DEXI: variants seen among roughly 807,000 people sequenced by gnomAD.
The protein encoded by DEXI is dexamethasone-induced protein.
In DEXI, 2 loss-of-function variants were observed where a neutral mutation model predicts 2.5. That is an observed-to-expected ratio of 0.81 (90% confidence interval 0.33 to 2.55). DEXI has a LOEUF of 2.55. Among genes scored for constraint, DEXI ranks in the 30% most tolerant of loss-of-function variants. The pLI is 0.11. For synonymous variants in DEXI, 71 were observed against 68.7 expected (o/e 1.03, Z -0.17); for missense variants, 108 against 130.3 (o/e 0.83, Z 0.83).
At position 10,938,085 on chromosome 16, in the gene DEXI, AAT is replaced by A. The variant is rs1193452389; in HGVS notation, c.*149+3482_*149+3483del. 7 of 152,242 alleles carry A rather than the reference AAT, an allele frequency of 4.6e-5. No individual in the cohort carries two copies. Among genetic ancestry groups the A allele is most frequent in the Non-Finnish European group, 1.0e-4 (7 of 68,048 alleles). 9.4% of individuals were successfully genotyped at this position (152,242 alleles called of 1,614,324 possible). A position where few individuals can be genotyped will look rare whatever the true frequency, so the allele number is the denominator to read the frequency against. ...ACGCTTTCCATTGTATCCGACTATGAATATGAGTGGTTAATATTAATACATCT... is the reference window on the plus strand; with the variant it reads ...ACGCTTTCCATTGTATCCGACTATGAATGAGTGGTTAATATTAATACATCT... On this transcript the variant is annotated intron_variant, in intron 1 of 1. Transcript: ENST00000331808. The surrounding 1 kb of genome is among the most constrained non-coding windows in gnomAD (Gnocchi z 4.9).
chr16:10,934,227 AC>A lies in DEXI; in HGVS notation c.*150-4669del, dbSNP rs543652541. The A allele has an allele frequency of 1.3e-4, 20 of 152,330 alleles. No homozygotes were observed. The highest frequency in any genetic ancestry group is 4.8e-4 in the African/African-American group (20 of 41,570). The allele number at this position is 152,330 out of a possible 1,614,324, so 9.4% of individuals were successfully genotyped here. ...CCTGCCACATCCAAGAACCACCTGG[AC>A]TATTATTTACTTAGTATTTTAAACC... On this transcript the variant is annotated intron_variant, in intron 1 of 1. Transcript: ENST00000331808. The surrounding 1 kb of genome is among the most constrained non-coding windows in gnomAD (Gnocchi z 4.2).
At position 10,941,461 on chromosome 16, in the gene DEXI, G is replaced by T. The variant is rs1210918064; in HGVS notation, c.*149+108C>A. ...GCATCCAGTTAGACCTGGAGGAGGT[G>T]AACGGAGGAGAAGCCTGAGGGAGGG... is the stretch of plus-strand genomic sequence containing the variant. On this transcript the variant is annotated intron_variant, in intron 1 of 1. Transcript: ENST00000331808. This position sits in a 1 kb window ranked among gnomAD's most constrained non-coding sequence, Gnocchi z 6.4. 2.6e-6 allele frequency: 3 copies of T among 1,144,044 alleles called. No homozygotes were observed. Among genetic ancestry groups the T allele is most frequent in the African/African-American group, 1.6e-5 (1 of 63,312 alleles). 70.9% of individuals were successfully genotyped at this position (1,144,044 alleles called of 1,614,324 possible).
rs145819243 is a variant in DEXI at position 10,929,558 on chromosome 16, G to A, written c.*151C>T. 1.5e-3 allele frequency: 1,493 copies of A among 985,468 alleles called. 5 individuals carry two copies. Among genetic ancestry groups the A allele is most frequent in the Middle Eastern group, 0.014 (26 of 1,916 alleles). 61.0% of individuals were successfully genotyped at this position (985,468 alleles called of 1,614,324 possible). ...GGCACGAAGCTTTTGAGGGGAGCAG[G>A]TCTAACAAGAAGGAAAAAGGGGGGT... On this transcript the variant is annotated splice_region_variant and 3_prime_UTR_variant, in exon 2 of 2. Coordinates refer to ENST00000331808, the MANE Select transcript of DEXI (RefSeq NM_014015.4). This position sits in a 1 kb window ranked among gnomAD's most constrained non-coding sequence, Gnocchi z 4.3.
In DEXI at chr16:10,942,245, G is replaced by GC; in HGVS notation, c.-241dup. 3 of 366,804 alleles carry GC rather than the reference G, an allele frequency of 8.2e-6. No homozygotes were observed. Among genetic ancestry groups the GC allele is most frequent in the Non-Finnish European group, 9.8e-6 (2 of 204,674 alleles). 22.7% of individuals were successfully genotyped at this position (366,804 alleles called of 1,614,324 possible). A position where few individuals can be genotyped will look rare whatever the true frequency, so the allele number is the denominator to read the frequency against. On this transcript the variant is annotated 5_prime_UTR_variant, in exon 1 of 2. Coordinates refer to ENST00000331808, the MANE Select transcript of DEXI (RefSeq NM_014015.4). The surrounding 1 kb of genome is among the most constrained non-coding windows in gnomAD (Gnocchi z 5.0). ...CTCGACCGCCCGGGCGGCGAGGCGG[G>GC]CCCCCCTGAAGTGGCCCGCGGCTGC...
chr16:10,936,974 G>C (rs1475395577), intron 1 of DEXI: 1 of 152,214 alleles, frequency 6.6e-6, no homozygotes, highest in African/African-American at 2.4e-5. Context: ...CACTTTCTTA[G>C]TTCGGCAAAA....
intron 1 of DEXI, chr16:10,931,892 A>G (rs138035692): frequency 6.6e-6 from 1 of 152,370 alleles, no homozygotes; most frequent in East Asian, 1.9e-4. Flanking sequence ...CTCTGTCTCA[A>G]AAAAACACAA....
rs1405794656 is a variant in DEXI at position 10,939,303 on chromosome 16, C to G, written c.*149+2266G>C. 1 of 152,260 alleles carries G rather than the reference C, an allele frequency of 6.6e-6. No individual in the cohort carries two copies. Among genetic ancestry groups the G allele is most frequent in the Non-Finnish European group, 1.5e-5 (1 of 68,096 alleles). 9.4% of individuals were successfully genotyped at this position (152,260 alleles called of 1,614,324 possible). A position where few individuals can be genotyped will look rare whatever the true frequency, so the allele number is the denominator to read the frequency against. ...TGGTGGCCCTGCTTCCCCTCTTACCCCTCAGCTCATTCTGTCCACAATTGC... is the reference window on the plus strand; with the variant it reads ...TGGTGGCCCTGCTTCCCCTCTTACCGCTCAGCTCATTCTGTCCACAATTGC... On this transcript the variant is annotated intron_variant, in intron 1 of 1. Coordinates refer to ENST00000331808, the MANE Select transcript of DEXI (RefSeq NM_014015.4). The surrounding 1 kb of genome is among the most constrained non-coding windows in gnomAD (Gnocchi z 4.9).
chr16:10,935,482 G>C (rs984881692), intron 1 of DEXI: 3 of 152,344 alleles, frequency 2.0e-5, no homozygotes, highest in Non-Finnish European at 4.4e-5. Flanking sequence ...GCCAAGCGAT[G>C]ATGATTTTCT....
At chr16:10,935,161 A>G (rs908151798) in intron 1 of DEXI, 18 of 152,376 alleles carry the variant, frequency 1.2e-4, no homozygotes, top group African/African-American at 4.3e-4. Context: ...GTGTTGGTGG[A>G]GCTGGGATTT....
rs972108477 is a variant in DEXI at position 10,929,905 on chromosome 16, C to G, written c.*150-346G>C. 6.6e-6 allele frequency: 1 copy of G among 152,302 alleles called. No individual in the cohort carries two copies. Among genetic ancestry groups the G allele is most frequent in the African/African-American group, 2.4e-5 (1 of 41,432 alleles). 9.4% of individuals were successfully genotyped at this position (152,302 alleles called of 1,614,324 possible). A position where few individuals can be genotyped will look rare whatever the true frequency, so the allele number is the denominator to read the frequency against. On this transcript the variant is annotated intron_variant, in intron 1 of 1. Transcript: ENST00000331808. The surrounding 1 kb of genome is among the most constrained non-coding windows in gnomAD (Gnocchi z 4.3). ...TCAGGAGTCACCCAGGGTCTGAGGG[C>G]TGACTTGCAGCTCTGGGCCAGCTGA...
Position 10,937,730 on chromosome 16 carries a change from T to A in DEXI, c.*149+3839A>T, listed in dbSNP as rs1046770841. On this transcript the variant is annotated intron_variant, in intron 1 of 1. Transcript: ENST00000331808. The surrounding 1 kb of genome is among the most constrained non-coding windows in gnomAD (Gnocchi z 4.2). ...ACTGCTGGGACGTGAAGACTCTCCC[T>A]GGCTCCCAGGCCAGCCACTGCAGCC... 2 of 152,420 alleles carry A rather than the reference T, an allele frequency of 1.3e-5. No homozygotes were observed. Among genetic ancestry groups the A allele is most frequent in the Non-Finnish European group, 2.9e-5 (2 of 68,080 alleles). 9.4% of individuals were successfully genotyped at this position (152,420 alleles called of 1,614,324 possible). A position where few individuals can be genotyped will look rare whatever the true frequency, so the allele number is the denominator to read the frequency against.
Position 10,941,334 on chromosome 16 carries a change from A to T in DEXI, c.*149+235T>A, listed in dbSNP as rs1057091597. ...TAAGTCACAGAGCTACCCCAAATGT[A>T]ACTTAGTCTCGGGGTCTCCTTCCTT... On this transcript the variant is annotated intron_variant, in intron 1 of 1. Coordinates refer to ENST00000331808, the MANE Select transcript of DEXI (RefSeq NM_014015.4). This position sits in a 1 kb window ranked among gnomAD's most constrained non-coding sequence, Gnocchi z 6.4. 1.6e-5 allele frequency: 3 copies of T among 192,628 alleles called. No individual in the cohort carries two copies. Among genetic ancestry groups the T allele is most frequent in the African/African-American group, 7.1e-5 (3 of 42,534 alleles). 11.9% of individuals were successfully genotyped at this position (192,628 alleles called of 1,614,324 possible).
intron 1 of DEXI, chr16:10,935,862 G>T (rs1348089286): frequency 6.6e-6 from 1 of 152,230 alleles, no homozygotes; most frequent in Non-Finnish European, 1.5e-5. Flanking sequence ...TGTCACAAGA[G>T]AGAAAGACAG....
At position 10,942,177 on chromosome 16, in the gene DEXI, G is replaced by T. The variant is rs1351261614; in HGVS notation, c.-172C>A. 4.0e-6 allele frequency: 2 copies of T among 501,886 alleles called. No homozygotes were observed. Among genetic ancestry groups the T allele is most frequent in the Admixed American group, 9.3e-5 (2 of 21,574 alleles). The allele number at this position is 501,886 out of a possible 1,614,324, so 31.1% of individuals were successfully genotyped here. A position where few individuals can be genotyped will look rare whatever the true frequency, so the allele number is the denominator to read the frequency against. Reference sequence around the variant, plus strand: ...AATTGCGCCCCGACCCCCGAAATGCGCCGGGCGGGTCACCGCACCCCGAGA... The same window carrying T: ...AATTGCGCCCCGACCCCCGAAATGCTCCGGGCGGGTCACCGCACCCCGAGA... On this transcript the variant is annotated 5_prime_UTR_variant, in exon 1 of 2. Coordinates refer to ENST00000331808, the MANE Select transcript of DEXI (RefSeq NM_014015.4). This position sits in a 1 kb window ranked among gnomAD's most constrained non-coding sequence, Gnocchi z 5.0.
intron 1 of DEXI, chr16:10,936,407 A>T (rs2041023118): frequency 6.6e-6 from 1 of 152,134 alleles, no homozygotes; most frequent in Non-Finnish European, 1.5e-5. Context: ...TGCATAATGA[A>T]CCCATTTTCA....
In DEXI at chr16:10,934,713, G is replaced by C. The variant is rs898131032; in HGVS notation, c.*150-5154C>G. On this transcript the variant is annotated intron_variant, in intron 1 of 1. Transcript: ENST00000331808. This position sits in a 1 kb window ranked among gnomAD's most constrained non-coding sequence, Gnocchi z 4.2. The stretch of plus-strand genomic sequence containing the variant: ...AGGTGATGGAGATGTGGGAGAGGCA[G>C]TTATTTTTAACCACCCAGCCAAGCC... The C allele has an allele frequency of 2.0e-5, 3 of 152,184 alleles. No homozygotes were observed. Among genetic ancestry groups the C allele is most frequent in the African/African-American group, 7.2e-5 (3 of 41,410 alleles). 9.4% of individuals were successfully genotyped at this position (152,184 alleles called of 1,614,324 possible).
intron 1 of DEXI, chr16:10,930,275 A>G (rs1452826596): frequency 6.6e-6 from 1 of 152,258 alleles, no homozygotes. Context: ...CAGAACTTGT[A>G]TGTTAAACAT....
rs1444121215 is a variant in DEXI at position 10,939,424 on chromosome 16, T to A, written c.*149+2145A>T. 1 of 152,234 alleles carries A rather than the reference T, an allele frequency of 6.6e-6. No individual in the cohort carries two copies. The highest frequency in any genetic ancestry group is 1.5e-5 in the Non-Finnish European group (1 of 68,084). The allele number at this position is 152,234 out of a possible 1,614,324, so 9.4% of individuals were successfully genotyped here. On this transcript the variant is annotated intron_variant, in intron 1 of 1. Transcript: ENST00000331808. This position sits in a 1 kb window ranked among gnomAD's most constrained non-coding sequence, Gnocchi z 4.9. ...CTGCTCTTGGCTATGGCCTTCCAGGTCCTCCATGGTATGGCTCCCACCCAC... is the reference window on the plus strand; with the variant it reads ...CTGCTCTTGGCTATGGCCTTCCAGGACCTCCATGGTATGGCTCCCACCCAC...
chr16:10,934,312 C>G lies in DEXI; in HGVS notation c.*150-4753G>C, dbSNP rs1368181949. The stretch of plus-strand genomic sequence containing the variant: ...ATCATTTATGTCACCATATAACACC[C>G]AAAGCAGTAGAATTTGTCATACACA... On this transcript the variant is annotated intron_variant, in intron 1 of 1. Coordinates refer to ENST00000331808, the MANE Select transcript of DEXI (RefSeq NM_014015.4). The surrounding 1 kb of genome is among the most constrained non-coding windows in gnomAD (Gnocchi z 4.2). The G allele has an allele frequency of 6.6e-6, 1 of 152,150 alleles. No individual in the cohort carries two copies. Among genetic ancestry groups the G allele is most frequent in the Non-Finnish European group, 1.5e-5 (1 of 68,032 alleles). The allele number at this position is 152,150 out of a possible 1,614,324, so 9.4% of individuals were successfully genotyped here.
Sources: gnomAD v4.1 joint callset for allele counts on GRCh38, gnomAD v4.1.1 for gene constraint, Gnocchi (gnomAD v3.1) non-coding constraint, MANE v1.5 for transcripts, NCBI Gene and HGNC (gene_info 2026-07-23, HGNC 2026-07-21) for gene names.